Variants in TARBP1 observed in about 807,000 individuals in gnomAD.
TARBP1 encodes tRNA (guanosine(18)-2'-O)-methyltransferase TARBP1.
In TARBP1, 144 loss-of-function variants were observed where a neutral mutation model predicts 178.6. The ratio of observed to expected loss-of-function variants is 0.81; its 90% CI spans 0.70 to 0.93. The LOEUF is 0.93. Among genes scored for constraint, TARBP1 ranks in the 40% least tolerant of loss-of-function variants. The pLI is 0.00. For missense variants in TARBP1, 2,067 were observed against 2,011.7 expected (o/e 1.03, Z -0.53); for synonymous variants, 787 against 781.0 (o/e 1.01, Z -0.13).
At chr1:234,444,736 T>C (rs1484569877) in intron 12 of TARBP1, among the ~76,000 whole-genome samples, 1 of 151,960 alleles carries the variant, frequency 6.6e-6, no homozygotes, top group Non-Finnish European at 1.5e-5. Context: ...TTCTACGACC[T>C]CCTATATCCA....
Position 234,450,587 on chromosome 1 carries a change from T to C in TARBP1, c.1723-21A>G, listed in dbSNP as rs773764697. 27 of 1,600,330 alleles carry C rather than the reference T, an allele frequency of 1.7e-5. 1 individual carries two copies. The highest frequency in any genetic ancestry group is 1.7e-4 in the Middle Eastern group (1 of 6,020). ...CACAGCTGGAAAAGAAAACAGTTATTACTTTATTTTAAAAACCTAACCAAA... is the reference window on the plus strand; with the variant it reads ...CACAGCTGGAAAAGAAAACAGTTATCACTTTATTTTAAAAACCTAACCAAA... On this transcript the variant is annotated intron_variant, in intron 9 of 29. Transcript: ENST00000040877.
Position 234,446,852 on chromosome 1 carries a change from C to T in TARBP1, c.2085G>A (p.Leu695=). Residue 695 remains leucine, a synonymous_variant, in exon 12 of 30, where the codon CTG becomes CTA. Transcript: ENST00000040877. The part of the protein sequence containing the change: ...LLKTDRCLQL[L]LKLLNTCRLK... ...ACCTGCATGTGTTCAACAGCTTCAA[C>T]AGCAGCTGGAGGCATCTGTCAGTCT... The T allele has an allele frequency of 6.2e-7, 1 of 1,614,050 alleles. No individual in the cohort carries two copies. The highest frequency in any genetic ancestry group is 8.5e-7 in the Non-Finnish European group (1 of 1,179,976).
chr1:234,393,570 C>G, intron 27 of TARBP1, 76 bp downstream of exon 27: 1 of 1,575,662 alleles, frequency 6.3e-7, no homozygotes. Context: ...TTGAAGCTCC[C>G]GTGGCAGTGG....
At chr1:234,465,105 G>A (rs76838713) in intron 5 of TARBP1, among the ~76,000 whole-genome samples, 1,677 of 139,278 alleles carry the variant, frequency 0.012, 27 homozygotes, top group African/African-American at 0.042. Flanking sequence ...GATGGATGGC[G>A]GACAGACAGG....
At chr1:234,475,441 C>G (rs582826) in intron 1 of TARBP1, among the ~76,000 whole-genome samples, 56,090 of 152,148 alleles carry the variant, frequency 0.37, 10,726 homozygotes, top group African/African-American at 0.4. Context: ...GAAGGGGAAG[C>G]AAACCCCCTA....
intron 14 of TARBP1, among the ~76,000 whole-genome samples, chr1:234,433,154 C>T (rs1664644989): frequency 1.3e-5 from 2 of 152,128 alleles, no homozygotes; most frequent in African/African-American, 4.8e-5. Flanking sequence ...AGGAGAATCA[C>T]TTGAACCCAG....
chr1:234,417,343 G>GAA (rs149371877), intron 22 of TARBP1, among the ~76,000 whole-genome samples: 3 of 151,460 alleles, frequency 2.0e-5, no homozygotes, highest in African/African-American at 7.3e-5. Flanking sequence ...GGATAGATGT[G>GAA]AAAAAAAAGA....
rs1205619512 is a variant in TARBP1, at chr1:234,478,929, C to G, written c.175G>C (p.Glu59Gln). Reference protein sequence around the residue: ...RGSGGAGALPEAAREVAAGYL... With the variant: ...RGSGGAGALPQAAREVAAGYL... ...CCTGCAGCCACCTCGCGCGCCGCCT[C>G]CGGGAGCGCGCCTGCGCCCCCGCTG... The change falls in exon 1 of 30, where the codon GAG becomes CAG. Residue 59 changes from glutamate (E) to glutamine (Q), a missense_variant. By Grantham distance (29) the Glu-to-Gln change is conservative (BLOSUM62 2). Coordinates refer to ENST00000040877, the MANE Select transcript of TARBP1 (RefSeq NM_005646.4). 1 of 1,437,518 alleles carries G rather than the reference C, an allele frequency of 7.0e-7. No homozygotes were observed. Among genetic ancestry groups the G allele is most frequent in the South Asian group, 1.4e-5 (1 of 72,126 alleles). The allele number at this position is 1,437,518 out of a possible 1,614,324, so 89.0% of individuals were successfully genotyped here.
intron 22 of TARBP1, among the ~76,000 whole-genome samples, chr1:234,412,780 G>A (rs959436029): frequency 2.6e-5 from 4 of 152,220 alleles, no homozygotes; most frequent in African/African-American, 9.6e-5. Flanking sequence ...CAAAAGGACT[G>A]GTGATAAGCA....
chr1:234,445,646 A>G lies in TARBP1; in HGVS notation c.2134+1157T>C, dbSNP rs1187293483. Among the ~76,000 whole-genome samples the G allele has an allele frequency of 2.0e-5, 3 of 152,058 alleles. No individual in the cohort carries two copies. In the East Asian group the frequency reaches 5.8e-4, roughly 29 times the overall value. The stretch of plus-strand genomic sequence containing the variant: ...AGTTAAAAAAATATCTTCTTGAGGA[A>G]TATCTATATATGCGCTAAAAATCCT... On this transcript the variant is annotated intron_variant, in intron 12 of 29. Transcript: ENST00000040877.
intron 3 of TARBP1, among the ~76,000 whole-genome samples, chr1:234,468,415 C>A (rs1367749400): frequency 2.0e-5 from 3 of 152,054 alleles, no homozygotes; most frequent in African/African-American, 4.8e-5. Context: ...TTAGAGTGAG[C>A]CCAGGCCCCG....
At chr1:234,405,861 TGGA>T in intron 24 of TARBP1, 39 bp downstream of exon 24, 1 of 1,571,614 alleles carries the variant, frequency 6.4e-7, no homozygotes. Context: ...TGGGCCCTGC[TGGA>T]GGAGAGTGAG....
intron 3 of TARBP1, among the ~76,000 whole-genome samples, chr1:234,469,077 T>TAAAAAAAAACA (rs1668783902): frequency 1.6e-5 from 1 of 63,764 alleles, no homozygotes; most frequent in South Asian, 7.1e-4. Flanking sequence ...TTTTTTTTTT[T>TAAAAAAAAACA]AAAAAAAAAA....
In TARBP1 at chr1:234,437,861, T is replaced by C. The variant is rs116564378; in HGVS notation, c.2135-489A>G. On this transcript the variant is annotated intron_variant, in intron 12 of 29. Transcript: ENST00000040877. ...AGGAGAGCAGACAGTGAGTACTGGA[T>C]TGCAGACAGGGAGGGATGCAGGAAA... is the stretch of plus-strand genomic sequence containing the variant. Among the ~76,000 whole-genome samples the C allele has an allele frequency of 5.6e-3, 849 of 152,304 alleles. 8 individuals are homozygous for C. Among genetic ancestry groups the C allele is most frequent in the African/African-American group, 0.019 (798 of 41,552 alleles).
rs1382769251 is a variant in TARBP1, at chr1:234,449,932, T to G, written c.1861+496A>C. Among the ~76,000 whole-genome samples, 5 of 152,356 alleles carry G rather than the reference T, an allele frequency of 3.3e-5. No homozygotes were observed. The East Asian group carries it at 7.7e-4, about 23-fold the overall frequency. ...CTCAAAGAAAGGATCTTTGTAAAAT[T>G]GATGTTGCAAAGTATCTGCTGAAAA... On this transcript the variant is annotated intron_variant, in intron 10 of 29. Coordinates refer to ENST00000040877, the MANE Select transcript of TARBP1 (RefSeq NM_005646.4).
intron 9 of TARBP1, 131 bp from the exon 10 acceptor site, chr1:234,450,697 A>G (rs923569838): frequency 2.5e-5 from 25 of 1,006,852 alleles, no homozygotes; most frequent in Admixed American, 1.3e-4. Flanking sequence ...GTAATAAACC[A>G]TTTACTATCA....
chr1:234,479,127 CCCGGGCTCCCAAAGGAAG>C lies in TARBP1; in HGVS notation c.-42_-25del. On this transcript the variant is annotated 5_prime_UTR_variant, in exon 1 of 30. Coordinates refer to ENST00000040877, the MANE Select transcript of TARBP1 (RefSeq NM_005646.4). ...ATTTGCCGAGCGCCCGCGCCACCGG[CCCGGGCTCCCAAAGGAAG>C]GCGCCGGCGTGTGCGATGCGTGCGC... The C allele has an allele frequency of 1.3e-6, 2 of 1,510,870 alleles. No homozygotes were observed. The highest frequency in any genetic ancestry group is 5.5e-5 in the East Asian group (2 of 36,630). 93.6% of individuals were successfully genotyped at this position (1,510,870 alleles called of 1,614,324 possible).
intron 12 of TARBP1, among the ~76,000 whole-genome samples, chr1:234,446,083 T>C (rs2103202310): frequency 6.6e-6 from 1 of 152,326 alleles, no homozygotes; most frequent in South Asian, 2.1e-4. Flanking sequence ...TATGAAAATA[T>C]AATCGTATCA....
At chr1:234,422,500 C>T (rs1228254464) in intron 20 of TARBP1, among the ~76,000 whole-genome samples, 1 of 152,048 alleles carries the variant, frequency 6.6e-6, no homozygotes, top group African/African-American at 2.4e-5. Context: ...ACAAACTTCT[C>T]ATGTTTTCAC....
Sources: allele counts gnomAD v4.1 joint callset (sites outside exome capture counted in the v4.1 genomes callset), GRCh38; gene constraint gnomAD v4.1.1; transcripts MANE v1.5; gene names NCBI Gene and HGNC (gene_info 2026-07-23, HGNC 2026-07-21).